PIGF: variants seen among roughly 807,000 people sequenced by gnomAD.
PIGF encodes the protein GPI ethanolamine phosphate transferase, stabilizing subunit.
PIGF carries 23 observed loss-of-function variants against 26.0 expected under a neutral mutation model. The ratio of observed to expected loss-of-function variants is 0.88; its 90% CI spans 0.64 to 1.25. The LOEUF (loss-of-function observed/expected upper bound fraction) is 1.25. Ranked by LOEUF, PIGF falls within the 50% of genes most tolerant of loss-of-function variation. The pLI is 0.00. For synonymous variants in PIGF, 93 were observed against 92.6 expected (o/e 1.00, Z -0.03); for missense variants, 278 against 249.9 (o/e 1.11, Z -0.76).
chr2:46,600,560 T>C (rs1572777226), intron 4 of PIGF, among the ~76,000 whole-genome samples: 1 of 152,316 alleles, frequency 6.6e-6, no homozygotes, highest in East Asian at 1.9e-4. Context: ...ATTAATTAAC[T>C]ATTGATGATC....
intron 5 of PIGF, among the ~76,000 whole-genome samples, chr2:46,585,376 C>G (rs2104061980): frequency 6.6e-6 from 1 of 152,144 alleles, no homozygotes; most frequent in Admixed American, 6.5e-5. Context: ...AAATATATTA[C>G]AACTCAAGTG....
At chr2:46,615,343 A>T (rs1670582263) in intron 1 of PIGF, 158 bp from the exon 2 acceptor site, 2 of 502,514 alleles carry the variant, frequency 4.0e-6, no homozygotes, top group South Asian at 2.4e-5. Flanking sequence ...GCACATACAG[A>T]CTTAGCTTTC....
Position 46,581,355 on chromosome 2 carries a change from A to G in PIGF, c.*123T>C, listed in dbSNP as rs945238006. On this transcript the variant is annotated 3_prime_UTR_variant, in exon 6 of 6. Coordinates refer to ENST00000281382, the MANE Select transcript of PIGF (RefSeq NM_002643.4). ...GGGTTTCATAGTTTAAAAAGCTACA[A>G]TCACATCATGTTGTAACTACGTAAA... 9.1e-6 allele frequency: 13 copies of G among 1,426,918 alleles called. No homozygotes were observed. Among genetic ancestry groups the G allele is most frequent in the African/African-American group, 2.9e-5 (2 of 69,484 alleles). The allele number at this position is 1,426,918 out of a possible 1,614,324, so 88.4% of individuals were successfully genotyped here. A position where few individuals can be genotyped will look rare whatever the true frequency, so the allele number is the denominator to read the frequency against.
chr2:46,599,955 T>C (rs566522898), intron 4 of PIGF, among the ~76,000 whole-genome samples: 8 of 152,310 alleles, frequency 5.3e-5, no homozygotes, highest in African/African-American at 1.9e-4. Flanking sequence ...CTGGATGTTA[T>C]TTTCTAATAA....
intron 4 of PIGF, among the ~76,000 whole-genome samples, chr2:46,609,954 T>C (rs183891268): frequency 1.3e-5 from 2 of 152,346 alleles, no homozygotes; most frequent in African/African-American, 2.4e-5. Context: ...ATACATTTGC[T>C]TGATGCAGGG....
chr2:46,613,852 C>A, intron 2 of PIGF, 67 bp from the exon 3 acceptor site: 1 of 1,300,840 alleles, frequency 7.7e-7, no homozygotes, highest in South Asian at 1.4e-5. Context: ...TCTTCCATTT[C>A]ATCTACAAAC....
At chr2:46,596,046 C>G (rs1203922098) in intron 4 of PIGF, among the ~76,000 whole-genome samples, 1 of 151,908 alleles carries the variant, frequency 6.6e-6, no homozygotes, top group Non-Finnish European at 1.5e-5. Context: ...AACCCCATCT[C>G]TACTAAAAAT....
At chr2:46,609,169 C>T (rs1413666125) in intron 4 of PIGF, among the ~76,000 whole-genome samples, 1 of 152,280 alleles carries the variant, frequency 6.6e-6, no homozygotes. Flanking sequence ...GCTTCTACAT[C>T]AGCACTTGTT....
chr2:46,603,532 A>T (rs1432554521), intron 4 of PIGF, among the ~76,000 whole-genome samples: 1 of 152,034 alleles, frequency 6.6e-6, no homozygotes, highest in African/African-American at 2.4e-5. Flanking sequence ...TAGAACAAAT[A>T]GAGAACCCAG....
At chr2:46,581,828 A>G (rs1358198815) in intron 5 of PIGF, 1 of 414,672 alleles carries the variant, frequency 2.4e-6, no homozygotes, top group Non-Finnish European at 4.1e-6. Flanking sequence ...ACGCTCCCCA[A>G]AGTGCATGAG....
chr2:46,616,215 A>C (rs1022018915), intron 1 of PIGF: 1 of 152,278 alleles, frequency 6.6e-6, no homozygotes, highest in African/African-American at 2.4e-5. Flanking sequence ...CCAAGGTCCC[A>C]TGCGCTACAG....
intron 1 of PIGF, chr2:46,615,968 C>G (rs2104155062): frequency 6.6e-6 from 1 of 152,136 alleles, no homozygotes; most frequent in South Asian, 2.1e-4. Flanking sequence ...TTTAAAGTAA[C>G]AGTCAATATG....
rs557536401 is a variant in PIGF at position 46,591,573 on chromosome 2, A to G, written c.546+902T>C. On this transcript the variant is annotated intron_variant, in intron 5 of 5. Transcript: ENST00000281382. ...GAAAAATTCAAGAAGCTATAGATTC[A>G]AAGATTTTATCACAGCAGTGTTTAT... 228 of 944,980 alleles carry G rather than the reference A, an allele frequency of 2.4e-4. No homozygotes were observed. In the African/African-American group the frequency reaches 3.6e-3, roughly 15 times the overall value. The allele number at this position is 944,980 out of a possible 1,614,324, so 58.5% of individuals were successfully genotyped here. A position where few individuals can be genotyped will look rare whatever the true frequency, so the allele number is the denominator to read the frequency against.
rs758738542 is a variant in PIGF at position 46,614,923 on chromosome 2, G to C, written c.228+14C>G. On this transcript the variant is annotated intron_variant, in intron 2 of 5. Coordinates refer to ENST00000281382, the MANE Select transcript of PIGF (RefSeq NM_002643.4). ...GCTCCATCCAAAAATCAGTTATTGA[G>C]ACATAAGCCTTACCTTGTGTGATAA... 1.7e-6 allele frequency: 2 copies of C among 1,193,844 alleles called. No homozygotes were observed. Among genetic ancestry groups the C allele is most frequent in the African/African-American group, 1.5e-5 (1 of 66,684 alleles). 74.0% of individuals were successfully genotyped at this position (1,193,844 alleles called of 1,614,324 possible). A position where few individuals can be genotyped will look rare whatever the true frequency, so the allele number is the denominator to read the frequency against.
intron 4 of PIGF, among the ~76,000 whole-genome samples, chr2:46,608,046 T>G (rs756211949): frequency 6.6e-6 from 1 of 152,212 alleles, no homozygotes; most frequent in Non-Finnish European, 1.5e-5. Context: ...TTGCATCAAT[T>G]GACTCTTCCT....
chr2:46,581,754 T>A (rs1170091185), intron 5 of PIGF, 163 bp from the exon 6 acceptor site: 2 of 1,014,210 alleles, frequency 2.0e-6, no homozygotes, highest in Non-Finnish European at 2.7e-6. Flanking sequence ...ACTAAAAATG[T>A]ACACATTTTA....
At chr2:46,581,704 C>T in intron 5 of PIGF, 113 bp from the exon 6 acceptor site, 1 of 1,425,014 alleles carries the variant, frequency 7.0e-7, no homozygotes, top group South Asian at 1.4e-5. Context: ...TTAAAGAATG[C>T]CAAAAGTGTA....
chr2:46,602,565 G>A (rs535310796), intron 4 of PIGF, among the ~76,000 whole-genome samples: 1 of 151,646 alleles, frequency 6.6e-6, no homozygotes, highest in South Asian at 2.1e-4. Flanking sequence ...TACTAAAAGG[G>A]CTGTCTTTAA....
intron 4 of PIGF, among the ~76,000 whole-genome samples, chr2:46,604,453 CTAAG>C: frequency 6.6e-6 from 1 of 151,656 alleles, no homozygotes; most frequent in Non-Finnish European, 1.5e-5. Flanking sequence ...TGGAAGCAAC[CTAAG>C]TGTCTATCAA....
Sources: allele counts gnomAD v4.1 joint callset (sites outside exome capture counted in the v4.1 genomes callset), GRCh38; gene constraint gnomAD v4.1.1; transcripts MANE v1.5; gene names NCBI Gene and HGNC (gene_info 2026-07-23, HGNC 2026-07-21).